PTPRM: variants seen among roughly 807,000 people sequenced by gnomAD.
PTPRM encodes the protein receptor-type tyrosine-protein phosphatase mu.
PTPRM carries 47 observed loss-of-function variants against 186.7 expected under a neutral mutation model. The observed-to-expected ratio is 0.25, with a 90% CI of 0.20 to 0.32. PTPRM has a LOEUF of 0.32. PTPRM is among the 10% of genes least tolerant of loss of function. The probability of loss-of-function intolerance (pLI) is 1.00; values close to 1 mark genes in which losing one functional copy is unlikely to be tolerated. For synonymous variants in PTPRM, 668 were observed against 674.9 expected, an observed-to-expected ratio of 0.99 and a Z score of 0.16; for missense variants, 1,494 against 1,865.0, an observed-to-expected ratio of 0.80 and a Z score of 3.66.
intron 2 of PTPRM, among the ~76,000 whole-genome samples, chr18:7,776,815 A>G (rs754039107): frequency 6.6e-6 from 1 of 152,232 alleles, no homozygotes; most frequent in Non-Finnish European, 1.5e-5. Context: ...CATCGACCAA[A>G]GTGAGGAGTT....
In PTPRM at chr18:8,141,754, TG is replaced by T. The variant is rs2092771861; in HGVS notation, c.2168-1892del. On this transcript the variant is annotated intron_variant, in intron 13 of 32. Transcript: ENST00000580170. Reference sequence around the variant, plus strand: ...TGGAGAGCCAGCTATCTATAACTAGTGAGATAAATGGAATGGCTTTCCAGTA... The same window carrying T: ...TGGAGAGCCAGCTATCTATAACTAGTAGATAAATGGAATGGCTTTCCAGTA... Among the ~76,000 whole-genome samples, 3 of 66,386 alleles carry T rather than the reference TG, an allele frequency of 4.5e-5. No homozygotes were observed. The Admixed American group carries it at 6.0e-4, about 13-fold the overall frequency. The allele number at this position is 66,386 out of a possible 152,430, so 43.6% of individuals were successfully genotyped here. A position where few individuals can be genotyped will look rare whatever the true frequency, so the allele number is the denominator to read the frequency against.
chr18:7,726,034 C>T (rs1171997260), intron 1 of PTPRM, among the ~76,000 whole-genome samples: 1 of 152,168 alleles, frequency 6.6e-6, no homozygotes, highest in Non-Finnish European at 1.5e-5. Context: ...ACAGAGTTCG[C>T]TCTTGCTCCT....
At chr18:7,832,211 C>T (rs975275320) in intron 2 of PTPRM, among the ~76,000 whole-genome samples, 12 of 152,104 alleles carry the variant, frequency 7.9e-5, no homozygotes, top group Non-Finnish European at 1.0e-4. Context: ...AACTGTTCTC[C>T]GAAGTGCTAG....
At chr18:7,695,082 G>GTAAC (rs776660361) in intron 1 of PTPRM, among the ~76,000 whole-genome samples, 3 of 152,222 alleles carry the variant, frequency 2.0e-5, no homozygotes, top group Non-Finnish European at 4.4e-5. Flanking sequence ...CTGATACTGT[G>GTAAC]TAACTGCTCA....
intron 1 of PTPRM, among the ~76,000 whole-genome samples, chr18:7,770,604 G>T (rs376905551): frequency 3.0e-4 from 46 of 152,286 alleles, no homozygotes; most frequent in African/African-American, 1.1e-3. Context: ...TTTACATAAA[G>T]AATCTAGACT....
intron 23 of PTPRM, among the ~76,000 whole-genome samples, chr18:8,369,732 G>T (rs2148449240): frequency 6.6e-6 from 1 of 152,298 alleles, no homozygotes; most frequent in South Asian, 2.1e-4. Flanking sequence ...AAGGCAGGAG[G>T]ATCGCTTGAG....
At chr18:7,955,095 A>G (rs1224737494) in intron 6 of PTPRM, 26 bp from the exon 7 acceptor site, 1 of 1,565,246 alleles carries the variant, frequency 6.4e-7, no homozygotes. Flanking sequence ...AGCATCTGAA[A>G]GACAGCTTTC....
intron 24 of PTPRM, among the ~76,000 whole-genome samples, chr18:8,372,366 G>C (rs1476041437): frequency 6.9e-6 from 1 of 144,662 alleles, no homozygotes; most frequent in East Asian, 1.9e-4. Flanking sequence ...GAGCCACCGC[G>C]CCCGGCCTCC....
chr18:8,197,096 G>A (rs2093789111), intron 14 of PTPRM, among the ~76,000 whole-genome samples: 1 of 152,180 alleles, frequency 6.6e-6, no homozygotes, highest in Non-Finnish European at 1.5e-5. Flanking sequence ...AGTAGTTTAT[G>A]CCCATAAGAA....
chr18:8,348,037 C>A (rs965123944), intron 23 of PTPRM, among the ~76,000 whole-genome samples: 2 of 152,214 alleles, frequency 1.3e-5, no homozygotes, highest in Non-Finnish European at 1.5e-5. Context: ...GTTAATCCTG[C>A]ACATTTGTTT....
At chr18:8,095,793 AAG>A (rs950766554) in intron 11 of PTPRM, among the ~76,000 whole-genome samples, 14 of 152,168 alleles carry the variant, frequency 9.2e-5, no homozygotes, top group Admixed American at 3.9e-4. Context: ...GAAGGAAAAA[AAG>A]AGAATATATT....
At chr18:8,249,411 A>G (rs56740294) in intron 17 of PTPRM, among the ~76,000 whole-genome samples, 29,283 of 152,120 alleles carry the variant, frequency 0.19, 3,055 homozygotes, top group Non-Finnish European at 0.23. Flanking sequence ...CTCCCTGCCC[A>G]CACACTTTTA....
At chr18:8,323,637 T>C (rs950017323) in intron 22 of PTPRM, among the ~76,000 whole-genome samples, 3 of 152,192 alleles carry the variant, frequency 2.0e-5, no homozygotes, top group Non-Finnish European at 2.9e-5. Context: ...GGTTCCGAAC[T>C]TAGCCTTCAT....
chr18:7,992,431 G>C (rs2083313433), intron 7 of PTPRM, among the ~76,000 whole-genome samples: 1 of 152,074 alleles, frequency 6.6e-6, no homozygotes, highest in Non-Finnish European at 1.5e-5. Flanking sequence ...TACTTCCTTT[G>C]TACACTTAAA....
intron 14 of PTPRM, among the ~76,000 whole-genome samples, chr18:8,226,324 C>T (rs967401941): frequency 2.7e-5 from 4 of 148,230 alleles, no homozygotes; most frequent in African/African-American, 5.0e-5. Context: ...AAGGCCAAAT[C>T]GTTTGCTTTC....
At chr18:7,784,858 C>G (rs972167583) in intron 2 of PTPRM, among the ~76,000 whole-genome samples, 3 of 152,192 alleles carry the variant, frequency 2.0e-5, no homozygotes, top group African/African-American at 7.2e-5. Context: ...CAAGTGAATG[C>G]TCTGGGGGAA....
chr18:7,666,971 G>A (rs182317977), intron 1 of PTPRM, among the ~76,000 whole-genome samples: 1 of 152,254 alleles, frequency 6.6e-6, no homozygotes, highest in East Asian at 1.9e-4. Flanking sequence ...CATGTTTCAG[G>A]TGCACAGTAA....
chr18:8,352,039 C>T (rs1343237883), intron 23 of PTPRM, among the ~76,000 whole-genome samples: 1 of 152,238 alleles, frequency 6.6e-6, no homozygotes, highest in South Asian at 2.1e-4. Flanking sequence ...AATCCCTTCT[C>T]AGCACAATTT....
intron 14 of PTPRM, among the ~76,000 whole-genome samples, chr18:8,229,914 C>G (rs180790742): frequency 1.3e-5 from 2 of 152,328 alleles, no homozygotes; most frequent in African/African-American, 2.4e-5. Flanking sequence ...TTCTTTTGCT[C>G]TGGTGCAAGT....
Sources: gnomAD v4.1 joint callset for allele counts (sites outside exome capture counted in the v4.1 genomes callset) on GRCh38, gnomAD v4.1.1 for gene constraint, MANE v1.5 for transcripts, NCBI Gene and HGNC (gene_info 2026-07-23, HGNC 2026-07-21) for gene names.